The following ACTR5 variants were observed in gnomAD, a reference collection of about 807,000 sequenced individuals.
The protein encoded by ACTR5 is actin related protein 5.
Under a neutral mutation model 61.2 loss-of-function variants are expected in ACTR5, and 43 were observed. The ratio of observed to expected loss-of-function variants is 0.70; its 90% confidence interval spans 0.55 to 0.91. ACTR5 has a LOEUF of 0.91. Among genes scored for constraint, ACTR5 ranks in the 40% least tolerant of loss-of-function variants. The pLI is 0.00. For missense variants in ACTR5, 798 were observed against 782.2 expected (o/e 1.02, Z -0.24); for synonymous variants, 333 against 310.5 (o/e 1.07, Z -0.76).
At chr20:38,751,299 C>T (rs2084385794) in intron 2 of ACTR5, among the ~76,000 whole-genome samples, 1 of 152,170 alleles carries the variant, frequency 6.6e-6, no homozygotes, top group Admixed American at 6.5e-5. Context: ...ACTTTGTAAA[C>T]TGTAAAGCAG....
intron 7 of ACTR5, among the ~76,000 whole-genome samples, 183 bp downstream of exon 7, chr20:38,766,560 G>T (rs2084488166): frequency 1.3e-5 from 2 of 152,108 alleles, no homozygotes; most frequent in African/African-American, 2.4e-5. Flanking sequence ...CGTAACTGGG[G>T]CTCTGTAGTT....
Position 38,766,228 on chromosome 20 carries a change from G to T in ACTR5, c.1294-10G>T. The T allele has an allele frequency of 6.2e-7, 1 of 1,601,406 alleles. No individual in the cohort carries two copies. The highest frequency in any genetic ancestry group is 2.2e-5 in the East Asian group (1 of 44,826). ...CCTAAAAATATCTTTTAAACCTTGG[G>T]TTTTTAAAGCCCGTGTTTAACTTGG... On this transcript the variant is annotated splice_polypyrimidine_tract_variant and intron_variant, in intron 6 of 8. Coordinates refer to ENST00000243903, the MANE Select transcript of ACTR5 (RefSeq NM_024855.4).
intron 5 of ACTR5, chr20:38,761,681 TC>T: frequency 6.5e-6 from 1 of 153,172 alleles, no homozygotes. Flanking sequence ...AGGACGACCA[TC>T]CCCAATAGAG....
At chr20:38,769,309 A>T (rs6027897) in intron 8 of ACTR5, among the ~76,000 whole-genome samples, 3,352 of 152,262 alleles carry the variant, frequency 0.022, 141 homozygotes, top group African/African-American at 0.076. Flanking sequence ...AGAGACAGCC[A>T]CTGTCTTGTG....
In ACTR5 at chr20:38,750,056, C is replaced by CAA. The variant is rs1209955813; in HGVS notation, c.423_424insAA (p.Leu142AsnfsTer7). 6.2e-7 allele frequency: 1 copy of CAA among 1,614,190 alleles called. No individual in the cohort carries two copies. The highest frequency in any genetic ancestry group is 2.2e-5 in the East Asian group (1 of 44,884). ...GTTTTGACAGAAGCTGTGTGCAACC[C>CAA]ACTGTATTCACGGCAAATGATGTCT... On this transcript the variant is annotated frameshift_variant, in exon 2 of 9. Transcript: ENST00000243903. LOFTEE classifies it high-confidence loss of function.
intron 5 of ACTR5, among the ~76,000 whole-genome samples, chr20:38,760,856 C>CT (rs950251827): frequency 4.7e-4 from 71 of 149,636 alleles, no homozygotes; most frequent in Non-Finnish European, 8.2e-4. Flanking sequence ...TTTTTTTTTT[C>CT]TTTTTTTTAA....
rs779183170 is a variant in ACTR5, at chr20:38,748,817, G to A, written c.339G>A (p.Leu113=). 1 of 1,609,030 alleles carries A rather than the reference G, an allele frequency of 6.2e-7. No homozygotes were observed. Among genetic ancestry groups the A allele is most frequent in the Admixed American group, 1.7e-5 (1 of 59,834 alleles). ...PVNLELQELL[L]DYSFQHLGVS... ...ACCTGGAGCTTCAGGAGTTGCTGCT[G>A]GACTACAGCTTCCAGCACCTGGGTG... is the stretch of plus-strand genomic sequence containing the variant. The change falls in exon 1 of 9, where the codon CTG becomes CTA. Residue 113 remains leucine (L), a synonymous_variant. Coordinates refer to ENST00000243903, the MANE Select transcript of ACTR5 (RefSeq NM_024855.4).
At chr20:38,754,810 T>C (rs1016568286) in intron 3 of ACTR5, 147 bp from the exon 4 acceptor site, 55 of 680,890 alleles carry the variant, frequency 8.1e-5, no homozygotes, top group Non-Finnish European at 1.2e-4. Flanking sequence ...AGGATGGTCT[T>C]GATCTCCTGA....
At chr20:38,751,966 G>A (rs1026350625) in intron 2 of ACTR5, among the ~76,000 whole-genome samples, 165 bp from the exon 3 acceptor site, 14 of 152,166 alleles carry the variant, frequency 9.2e-5, no homozygotes, top group African/African-American at 3.4e-4. Flanking sequence ...TAGATAAGAG[G>A]TTATACCAGG....
intron 5 of ACTR5, among the ~76,000 whole-genome samples, chr20:38,760,875 A>C (rs1411536475): frequency 6.6e-6 from 1 of 150,540 alleles, no homozygotes; most frequent in African/African-American, 2.5e-5. Flanking sequence ...AAGAGATTGG[A>C]TCTTACTCTG....
chr20:38,756,078 G>C (rs778353558), intron 5 of ACTR5, 39 bp downstream of exon 5: 15 of 1,571,436 alleles, frequency 9.5e-6, no homozygotes, highest in Non-Finnish European at 1.3e-5. Context: ...CTTCTTGAGG[G>C]GAGGAGTGTC....
intron 2 of ACTR5, among the ~76,000 whole-genome samples, 167 bp from the exon 3 acceptor site, chr20:38,751,964 A>G (rs1192956401): frequency 6.6e-6 from 1 of 152,128 alleles, no homozygotes; most frequent in Admixed American, 6.5e-5. Context: ...CCTAGATAAG[A>G]GGTTATACCA....
chr20:38,752,333 G>C, intron 3 of ACTR5, 33 bp downstream of exon 3: 1 of 1,568,706 alleles, frequency 6.4e-7, no homozygotes, highest in Non-Finnish European at 8.7e-7. Flanking sequence ...GCAGCTTTTG[G>C]GTGTTGTCTA....
Position 38,750,237 on chromosome 20 carries a change from G to T in ACTR5, c.603G>T (p.Gly201=). The T allele has an allele frequency of 6.2e-7, 1 of 1,612,016 alleles. No individual in the cohort carries two copies. The change falls in exon 2 of 9, where the codon GGG becomes GGT. Residue 201 remains glycine (G), a splice_region_variant and synonymous_variant. Coordinates refer to ENST00000243903, the MANE Select transcript of ACTR5 (RefSeq NM_024855.4). ...QCTHVLPILE[G]RLDAKNCKRI... ...CGCATGTTTTACCCATCTTAGAAGG[G>T]AGGTGAGTTGCACTTGTGGCATTTG...
At chr20:38,760,598 A>G (rs2084447722) in intron 5 of ACTR5, among the ~76,000 whole-genome samples, 1 of 152,194 alleles carries the variant, frequency 6.6e-6, no homozygotes, top group South Asian at 2.1e-4. Flanking sequence ...CTGAGCACCT[A>G]CGTAGGTGTC....
chr20:38,757,965 G>A (rs543521680), intron 5 of ACTR5, among the ~76,000 whole-genome samples: 2 of 151,488 alleles, frequency 1.3e-5, no homozygotes, highest in African/African-American at 4.9e-5. Context: ...ACTGAAATCC[G>A]GAACCATGTT....
In ACTR5 at chr20:38,772,297, G is replaced by C. The variant is rs8125582; in HGVS notation, c.*481G>C. Reference sequence around the variant, plus strand: ...ATATAAAAAGGTAATGTTTATTGCCGGGCACAGTGGCACGTGCCTGTTAAG... The same window carrying C: ...ATATAAAAAGGTAATGTTTATTGCCCGGCACAGTGGCACGTGCCTGTTAAG... On this transcript the variant is annotated 3_prime_UTR_variant, in exon 9 of 9. Transcript: ENST00000243903. 3 of 168,836 alleles carry C rather than the reference G, an allele frequency of 1.8e-5. No homozygotes were observed. The highest frequency in any genetic ancestry group is 7.2e-5 in the African/African-American group (3 of 41,726). 10.5% of individuals were successfully genotyped at this position (168,836 alleles called of 1,614,324 possible).
At chr20:38,770,116 C>T (rs981164725) in intron 8 of ACTR5, among the ~76,000 whole-genome samples, 1 of 152,168 alleles carries the variant, frequency 6.6e-6, no homozygotes, top group Non-Finnish European at 1.5e-5. Flanking sequence ...GCTCCCCCCT[C>T]CCCTCCTGTT....
At chr20:38,758,768 CA>C (rs2084435705) in intron 5 of ACTR5, among the ~76,000 whole-genome samples, 1 of 152,096 alleles carries the variant, frequency 6.6e-6, no homozygotes, top group Non-Finnish European at 1.5e-5. Flanking sequence ...TAAACTTGAC[CA>C]TGACAATGGC....
Sources: allele counts gnomAD v4.1 joint callset (sites outside exome capture counted in the v4.1 genomes callset), GRCh38; gene constraint gnomAD v4.1.1; transcripts MANE v1.5; gene names NCBI Gene and HGNC (gene_info 2026-07-23, HGNC 2026-07-21).